Variants in SERTAD4 observed in about 807,000 individuals in gnomAD.
SERTAD4 encodes SERTA domain-containing protein 4.
SERTAD4 carries 18 observed loss-of-function variants against 32.9 expected under a neutral mutation model. The observed-to-expected ratio is 0.55, with a 90% CI of 0.38 to 0.81. The LOEUF (loss-of-function observed/expected upper bound fraction) is 0.81. SERTAD4 is among the 30% of genes least tolerant of loss of function. The probability of loss-of-function intolerance (pLI) is 0.00; values close to 1 mark genes in which losing one functional copy is unlikely to be tolerated. For missense variants in SERTAD4, 383 were observed against 426.0 expected (o/e 0.90, Z 0.89); for synonymous variants, 150 against 156.4 (o/e 0.96, Z 0.30).
chr1:210,242,656 A>G lies in SERTAD4; in HGVS notation c.*319A>G, dbSNP rs115230007. 7,688 of 1,075,904 alleles carry G rather than the reference A, an allele frequency of 7.1e-3. 430 individuals are homozygous for G. In the African/African-American group the frequency reaches 0.11, roughly 16 times the overall value. 66.6% of individuals were successfully genotyped at this position (1,075,904 alleles called of 1,614,324 possible). ...CTTGCAATATTTCCATTGCCCCCCA[A>G]GGAGCCTGTCACTAGCTAAGAAATT... On this transcript the variant is annotated 3_prime_UTR_variant, in exon 4 of 4. Transcript: ENST00000367012. This position sits in a 1 kb window ranked among gnomAD's most constrained non-coding sequence, Gnocchi z 4.0.
In SERTAD4 at chr1:210,245,947, G is replaced by T; in HGVS notation, c.*3610G>T. 3 of 984,510 alleles carry T rather than the reference G, an allele frequency of 3.0e-6. No individual in the cohort carries two copies. The highest frequency in any genetic ancestry group is 2.4e-6 in the Non-Finnish European group (2 of 829,158). 61.0% of individuals were successfully genotyped at this position (984,510 alleles called of 1,614,324 possible). On this transcript the variant is annotated 3_prime_UTR_variant, in exon 4 of 4. Transcript: ENST00000367012. ...CAAATGGTGAGCAGGAGACTTTTTT[G>T]GAAATAATTAGTTGTGAAATTCCAT... is the stretch of plus-strand genomic sequence containing the variant.
intron 1 of SERTAD4, chr1:210,234,185 A>G (rs936624106): frequency 8.6e-6 from 2 of 231,924 alleles, no homozygotes; most frequent in Non-Finnish European, 1.7e-5. Flanking sequence ...GGGCTGCGGC[A>G]CCGACACCCC....
chr1:210,234,373 C>G (rs2083920423), intron 1 of SERTAD4, among the ~76,000 whole-genome samples: 1 of 152,232 alleles, frequency 6.6e-6, no homozygotes, highest in African/African-American at 2.4e-5. Flanking sequence ...CACCTGCAGC[C>G]CCAACCACAG....
In SERTAD4 at chr1:210,242,010, A is replaced by G. The variant is rs745468296; in HGVS notation, c.744A>G (p.Val248=). 1 of 1,614,030 alleles carries G rather than the reference A, an allele frequency of 6.2e-7. No homozygotes were observed. Among genetic ancestry groups the G allele is most frequent in the Admixed American group, 1.7e-5 (1 of 59,994 alleles). The change falls in exon 4 of 4, where the codon GTA becomes GTG. Residue 248 remains valine (V), a synonymous_variant. Coordinates refer to ENST00000367012, the MANE Select transcript of SERTAD4 (RefSeq NM_019605.5). The surrounding 1 kb of genome is among the most constrained non-coding windows in gnomAD (Gnocchi z 4.0). Reference sequence around the variant, plus strand: ...GTTCCCGCCAGGTGGATTTTGATGTAGGTAGTGCATCTATTTACAAGAGTG... The same window carrying G: ...GTTCCCGCCAGGTGGATTTTGATGTGGGTAGTGCATCTATTTACAAGAGTG... ...PSCSRQVDFD[V]GSASIYKSDG... is the part of the protein sequence containing the mutation.
Position 210,237,919 on chromosome 1 carries a change from T to A in SERTAD4, c.-17-25T>A, listed in dbSNP as rs562340841. ...TTGATTAGGGCTGTTTTCTTCATTCTTGTTTTTTTTTTTTTTCTTTTCAGA... is the reference window on the plus strand; with the variant it reads ...TTGATTAGGGCTGTTTTCTTCATTCATGTTTTTTTTTTTTTTCTTTTCAGA... On this transcript the variant is annotated intron_variant, in intron 1 of 3. Coordinates refer to ENST00000367012, the MANE Select transcript of SERTAD4 (RefSeq NM_019605.5). 4 of 1,562,168 alleles carry A rather than the reference T, an allele frequency of 2.6e-6. No individual in the cohort carries two copies. In the South Asian group the frequency reaches 4.7e-5, roughly 18 times the overall value.
chr1:210,242,201 G>T lies in SERTAD4; in HGVS notation c.935G>T (p.Gly312Val), dbSNP rs769880634. The change falls in exon 4 of 4, where the codon GGC becomes GTC. Residue 312 changes from glycine to valine, a missense_variant. Around this residue, in one of 3 missense-constraint regions of SERTAD4, gnomAD observed 180 missense variants for 190.6 expected, o/e 0.94. Transcript: ENST00000367012. This position sits in a 1 kb window ranked among gnomAD's most constrained non-coding sequence, Gnocchi z 4.0. The stretch of plus-strand genomic sequence containing the variant: ...AATGACCTTGCTTTTGAGTGCAAAG[G>T]CCAATTTTATGATTATTTTGAGACC... ...VGNDLAFECK[G>V]QFYDYFETGY... 2 of 1,614,030 alleles carry T rather than the reference G, an allele frequency of 1.2e-6. No individual in the cohort carries two copies. Among genetic ancestry groups the T allele is most frequent in the Non-Finnish European group, 1.7e-6 (2 of 1,180,030 alleles).
intron 2 of SERTAD4, among the ~76,000 whole-genome samples, chr1:210,238,575 C>A (rs1344227033): frequency 3.3e-5 from 5 of 152,268 alleles, no homozygotes; most frequent in Admixed American, 1.3e-4. Flanking sequence ...TCTTTGTTAA[C>A]CCATTTATGC....
intron 1 of SERTAD4, among the ~76,000 whole-genome samples, chr1:210,236,590 G>A (rs996373615): frequency 1.3e-5 from 2 of 152,104 alleles, no homozygotes; most frequent in Admixed American, 1.3e-4. Flanking sequence ...GTTATAGCAT[G>A]TAGGTAATAA....
Sources: gnomAD v4.1 joint callset for allele counts (sites outside exome capture counted in the v4.1 genomes callset) on GRCh38, gnomAD v4.1.1 for gene constraint, gnomAD v4.1.1 regional missense constraint, Gnocchi (gnomAD v3.1) non-coding constraint, MANE v1.5 for transcripts, NCBI Gene and HGNC (gene_info 2026-07-23, HGNC 2026-07-21) for gene names.